The following SGCZ variants were observed in gnomAD, a reference collection of about 807,000 sequenced individuals.
SGCZ encodes zeta-sarcoglycan.
Under a neutral mutation model 41.3 loss-of-function variants are expected in SGCZ, and 40 were observed. The observed-to-expected ratio is 0.97, with a 90% CI of 0.75 to 1.26. The LOEUF is 1.26. SGCZ is among the 50% of genes most tolerant of loss of function. The pLI is 0.00. For synonymous variants in SGCZ, 206 were observed against 137.5 expected, an observed-to-expected ratio of 1.50 and a Z score of -3.49; for missense variants, 552 against 369.8, an observed-to-expected ratio of 1.49 and a Z score of -4.04.
chr8:14,255,424 C>T (rs577200350), intron 3 of SGCZ, among the ~76,000 whole-genome samples: 37 of 152,184 alleles, frequency 2.4e-4, no homozygotes, highest in African/African-American at 8.9e-4. Context: ...TATACTTGTC[C>T]TTTTAGCTTA....
intron 1 of SGCZ, among the ~76,000 whole-genome samples, chr8:15,157,544 G>T (rs1238326298): frequency 6.6e-6 from 1 of 152,110 alleles, no homozygotes; most frequent in African/African-American, 2.4e-5. Context: ...TTCAATTCAT[G>T]CTTTATGCCT....
chr8:14,983,987 G>C (rs761532095), intron 1 of SGCZ, among the ~76,000 whole-genome samples: 1 of 152,068 alleles, frequency 6.6e-6, no homozygotes, highest in Non-Finnish European at 1.5e-5. Flanking sequence ...TACCCAATCA[G>C]TACTTAACAT....
chr8:14,800,035 C>A (rs748783095), intron 1 of SGCZ, among the ~76,000 whole-genome samples: 1 of 152,154 alleles, frequency 6.6e-6, no homozygotes, highest in Non-Finnish European at 1.5e-5. Context: ...CTGTTTTGCA[C>A]AGAGGTTAGC....
At chr8:14,792,653 G>C (rs558950785) in intron 1 of SGCZ, among the ~76,000 whole-genome samples, 2 of 152,038 alleles carry the variant, frequency 1.3e-5, no homozygotes, top group Non-Finnish European at 1.5e-5. Flanking sequence ...TGCCATGTTG[G>C]TGTGCTGCAC....
At chr8:14,958,898 C>T (rs944537782) in intron 1 of SGCZ, among the ~76,000 whole-genome samples, 1 of 152,042 alleles carries the variant, frequency 6.6e-6, no homozygotes. Flanking sequence ...GATAGCCAAA[C>T]AGTAATTACA....
chr8:15,201,101 C>T (rs1351397788), intron 1 of SGCZ, among the ~76,000 whole-genome samples: 2 of 152,184 alleles, frequency 1.3e-5, no homozygotes, highest in African/African-American at 4.8e-5. Flanking sequence ...ACTGCAACCT[C>T]CGCCTCCCAG....
At chr8:15,225,357 T>C (rs1801733978) in intron 1 of SGCZ, among the ~76,000 whole-genome samples, 1 of 152,138 alleles carries the variant, frequency 6.6e-6, no homozygotes, top group Non-Finnish European at 1.5e-5. Flanking sequence ...TACTGGTCAA[T>C]AAGTAGGAAA....
chr8:14,718,898 C>A (rs561399131), intron 1 of SGCZ, among the ~76,000 whole-genome samples: 50,840 of 144,522 alleles, frequency 0.35, 10,733 homozygotes, highest in African/African-American at 0.58. Context: ...ACATGTGCAC[C>A]ATGTGCAGGT....
chr8:14,481,341 A>G (rs932632560), intron 2 of SGCZ, among the ~76,000 whole-genome samples: 5 of 152,182 alleles, frequency 3.3e-5, no homozygotes, highest in Non-Finnish European at 7.4e-5. Flanking sequence ...ATGACTTATA[A>G]GTAATGAGAT....
At chr8:14,928,330 T>C (rs1190543393) in intron 1 of SGCZ, among the ~76,000 whole-genome samples, 2 of 152,178 alleles carry the variant, frequency 1.3e-5, no homozygotes, top group African/African-American at 2.4e-5. Flanking sequence ...TAGCCTTTTG[T>C]TTCCATAAAT....
chr8:14,551,596 ATTATATATATT>A (rs1467943035), intron 2 of SGCZ, among the ~76,000 whole-genome samples: 6 of 45,506 alleles, frequency 1.3e-4, no homozygotes, highest in Non-Finnish European at 1.7e-4. Flanking sequence ...TATAATATAT[ATTATATATATT>A]ATATATATAC....
chr8:14,493,359 CTTTTTTTTTT>C (rs57898016), intron 2 of SGCZ, among the ~76,000 whole-genome samples: 553 of 44,288 alleles, frequency 0.012, 8 homozygotes, highest in African/African-American at 0.04. Context: ...ATCATCCTTT[CTTTTTTTTTT>C]TTTTTTTTTT....
intron 1 of SGCZ, among the ~76,000 whole-genome samples, chr8:15,159,493 G>C (rs1389133945): frequency 6.6e-6 from 1 of 152,108 alleles, no homozygotes; most frequent in Non-Finnish European, 1.5e-5. Flanking sequence ...TGGGGACTGA[G>C]CCCTCAACCT....
At chr8:14,627,539 G>A (rs1269119616) in intron 1 of SGCZ, among the ~76,000 whole-genome samples, 2 of 152,152 alleles carry the variant, frequency 1.3e-5, no homozygotes, top group South Asian at 4.1e-4. Flanking sequence ...GAAAGATCCT[G>A]AAAACATTAT....
At chr8:15,059,202 T>C (rs149141499) in intron 1 of SGCZ, among the ~76,000 whole-genome samples, 55 of 152,328 alleles carry the variant, frequency 3.6e-4, no homozygotes, top group Non-Finnish European at 5.9e-4. Context: ...GATTAAAATT[T>C]ACAAAATATT....
chr8:14,914,710 C>A (rs2130782017), intron 1 of SGCZ, among the ~76,000 whole-genome samples: 1 of 152,222 alleles, frequency 6.6e-6, no homozygotes, highest in East Asian at 1.9e-4. Flanking sequence ...AAAATCTTAT[C>A]AAAAAGCAGG....
At chr8:14,799,881 A>G (rs11785642) in intron 1 of SGCZ, among the ~76,000 whole-genome samples, 53,257 of 151,944 alleles carry the variant, frequency 0.35, 11,427 homozygotes, top group East Asian at 0.5. Flanking sequence ...CTAGAGAAGA[A>G]GAAGAAATGG....
intron 1 of SGCZ, among the ~76,000 whole-genome samples, chr8:14,702,944 G>A (rs1702443405): frequency 7.7e-6 from 1 of 129,406 alleles, no homozygotes; most frequent in South Asian, 2.6e-4. Context: ...TAGATAGATA[G>A]ATAGATAGAT....
intron 1 of SGCZ, among the ~76,000 whole-genome samples, chr8:15,048,047 C>T (rs192601934): frequency 2.5e-3 from 382 of 152,100 alleles, no homozygotes; most frequent in African/African-American, 8.8e-3. Context: ...ATATTCATTG[C>T]ACCATTCTTC....
Sources: allele counts gnomAD v4.1 joint callset (sites outside exome capture counted in the v4.1 genomes callset), GRCh38; gene constraint gnomAD v4.1.1; transcripts MANE v1.5; gene names NCBI Gene and HGNC (gene_info 2026-07-23, HGNC 2026-07-21).